The following GRIK4 variants were observed in gnomAD, a reference collection of about 807,000 sequenced individuals.
GRIK4 encodes glutamate ionotropic receptor kainate type subunit 4.
GRIK4 carries 40 observed loss-of-function variants against 104.9 expected under a neutral mutation model. That is an observed-to-expected ratio of 0.38 (90% CI 0.30 to 0.50). GRIK4 has a LOEUF of 0.50. Ranked by LOEUF, GRIK4 falls within the 20% of genes least tolerant of loss-of-function variation. The probability of loss-of-function intolerance (pLI) is 0.93; values close to 1 mark genes in which losing one functional copy is unlikely to be tolerated. For synonymous variants in GRIK4, 485 were observed against 524.9 expected (o/e 0.92, Z 1.04); for missense variants, 1,047 against 1,308.1 (o/e 0.80, Z 3.08).
intron 3 of GRIK4, among the ~76,000 whole-genome samples, chr11:120,752,434 A>C (rs1951572423): frequency 6.6e-6 from 1 of 152,158 alleles, no homozygotes; most frequent in Non-Finnish European, 1.5e-5. Flanking sequence ...CAGCCCGCCA[A>C]GGTGGGCAGG....
In GRIK4 at chr11:120,659,150, C is replaced by A. The variant is rs184394957; in HGVS notation, c.-50-1119C>A. ...CAGTGAAGCCAGCAGAGCTGGCTGT[C>A]GGCAGAATCTGGGTCTCAGTGGGGG... is the stretch of plus-strand genomic sequence containing the variant. On this transcript the variant is annotated intron_variant, in intron 2 of 20. Transcript: ENST00000527524. Among the ~76,000 whole-genome samples the A allele has an allele frequency of 1.6e-3, 237 of 152,162 alleles. 4 individuals are homozygous for A. In the East Asian group the frequency reaches 0.033, roughly 21 times the overall value.
intron 3 of GRIK4, among the ~76,000 whole-genome samples, chr11:120,797,578 G>T (rs1056610278): frequency 2.0e-4 from 30 of 152,292 alleles, no homozygotes; most frequent in African/African-American, 6.3e-4. Flanking sequence ...GGTACCTGTT[G>T]TCGTCCTAGT....
At chr11:120,836,725 C>G (rs2135574050) in intron 7 of GRIK4, 66 bp from the exon 8 acceptor site, 2 of 996,244 alleles carry the variant, frequency 2.0e-6, no homozygotes, top group Admixed American at 3.4e-5. Flanking sequence ...CTTGGAACCC[C>G]TACTGCTCAT....
chr11:120,709,335 C>T (rs1413966358), intron 3 of GRIK4, among the ~76,000 whole-genome samples: 2 of 152,000 alleles, frequency 1.3e-5, no homozygotes, highest in East Asian at 1.9e-4. Context: ...TGCTCTATGC[C>T]GTGTGTTGTG....
intron 3 of GRIK4, among the ~76,000 whole-genome samples, chr11:120,731,644 A>T (rs1951133441): frequency 6.6e-6 from 1 of 152,112 alleles, no homozygotes; most frequent in Admixed American, 6.6e-5. Flanking sequence ...AATTAGTATT[A>T]GTTCTTTAAA....
intron 3 of GRIK4, among the ~76,000 whole-genome samples, chr11:120,777,836 C>G (rs1397171665): frequency 6.6e-6 from 1 of 150,990 alleles, no homozygotes; most frequent in Non-Finnish European, 1.5e-5. Context: ...ATTTGGGAGG[C>G]TGAGGCAGGA....
chr11:120,832,101 C>T, intron 7 of GRIK4, 71 bp downstream of exon 7: 1 of 1,093,998 alleles, frequency 9.1e-7, no homozygotes, highest in Non-Finnish European at 1.3e-6. Context: ...TGAGGGTCCT[C>T]CTGAGCTGAG....
At chr11:120,695,811 A>G (rs1049447655) in intron 3 of GRIK4, among the ~76,000 whole-genome samples, 1 of 152,234 alleles carries the variant, frequency 6.6e-6, no homozygotes, top group African/African-American at 2.4e-5. Flanking sequence ...TGGAGCCGCC[A>G]TGCAGATAAC....
chr11:120,589,274 C>T (rs1342874473), intron 1 of GRIK4, among the ~76,000 whole-genome samples: 1 of 152,326 alleles, frequency 6.6e-6, no homozygotes, highest in African/African-American at 2.4e-5. Flanking sequence ...AGAGCCGCTG[C>T]ACTACATCGT....
At chr11:120,665,428 G>C (rs11217948) in intron 3 of GRIK4, among the ~76,000 whole-genome samples, 18,816 of 151,680 alleles carry the variant, frequency 0.12, 1,233 homozygotes, top group African/African-American at 0.13. Context: ...CTGTCACCTA[G>C]GGGGGGAATA....
chr11:120,712,829 A>G (rs1398465716), intron 3 of GRIK4, among the ~76,000 whole-genome samples: 2 of 152,004 alleles, frequency 1.3e-5, no homozygotes, highest in Non-Finnish European at 2.9e-5. Flanking sequence ...CAACCACATT[A>G]CTTCCGATCT....
At chr11:120,984,792 C>G (rs920869734) in intron 20 of GRIK4, among the ~76,000 whole-genome samples, 3 of 131,180 alleles carry the variant, frequency 2.3e-5, no homozygotes, top group African/African-American at 5.9e-5. Flanking sequence ...AACAAACAAA[C>G]AAACAAAAAT....
intron 3 of GRIK4, among the ~76,000 whole-genome samples, chr11:120,723,390 C>T (rs2135379567): frequency 6.6e-6 from 1 of 152,292 alleles, no homozygotes; most frequent in East Asian, 1.9e-4. Flanking sequence ...ATCACCTGCC[C>T]TGAGAGGTAT....
intron 3 of GRIK4, among the ~76,000 whole-genome samples, chr11:120,675,969 G>A (rs963044593): frequency 3.3e-5 from 5 of 152,204 alleles, no homozygotes; most frequent in African/African-American, 1.2e-4. Context: ...AGTCTTAACT[G>A]AGCTAAAGCT....
rs1010586715 is a variant in GRIK4 at position 120,549,681 on chromosome 11, G to A, written c.-159+37794G>A. 2.0e-5 allele frequency among the ~76,000 whole-genome samples: 3 copies of A among 152,186 alleles called. No homozygotes were observed. The highest frequency in any genetic ancestry group is 1.9e-4 in the East Asian group (1 of 5,190). ...GACAAGACAAGCAGAGGCTGAGGGC[G>A]GGTCGTGGGCCCCTGGGAGATCTGG... On this transcript the variant is annotated intron_variant, in intron 1 of 20. Coordinates refer to ENST00000527524, the MANE Select transcript of GRIK4 (RefSeq NM_014619.5). This position sits in a 1 kb window ranked among gnomAD's most constrained non-coding sequence, Gnocchi z 4.7.
rs12281251 is a variant in GRIK4, at chr11:120,739,318, T to C, written c.83-63375T>C. ...CTTAGAGCAGTGCTTACCACACAAA[T>C]GGGGCCAATCTTAGCTGATCTGGCC... On this transcript the variant is annotated intron_variant, in intron 3 of 20. Coordinates refer to ENST00000527524, the MANE Select transcript of GRIK4 (RefSeq NM_014619.5). 7.1e-3 allele frequency among the ~76,000 whole-genome samples: 1,080 copies of C among 152,330 alleles called. 12 individuals carry two copies. Among genetic ancestry groups the C allele is most frequent in the African/African-American group, 0.025 (1,040 of 41,586 alleles).
rs76981100 is a variant in GRIK4 at position 120,557,118 on chromosome 11, C to A, written c.-159+45231C>A. The stretch of plus-strand genomic sequence containing the variant: ...CACAGCAGGCAGCTTGTCCTTGGAG[C>A]CTGCTTGATGGCAGCATTCAGGGAC... On this transcript the variant is annotated intron_variant, in intron 1 of 20. Transcript: ENST00000527524. Among the ~76,000 whole-genome samples the A allele has an allele frequency of 0.013, 1,975 of 152,306 alleles. 87 individuals are homozygous for A. In the East Asian group the frequency reaches 0.14, roughly 11 times the overall value.
At chr11:120,957,247 G>A (rs1428101781) in intron 16 of GRIK4, among the ~76,000 whole-genome samples, 1 of 152,238 alleles carries the variant, frequency 6.6e-6, no homozygotes, top group Non-Finnish European at 1.5e-5. Context: ...CAAAGCAATG[G>A]TAACTTCCTG....
intron 3 of GRIK4, among the ~76,000 whole-genome samples, chr11:120,744,854 A>G (rs1039387991): frequency 5.9e-5 from 9 of 152,366 alleles, no homozygotes; most frequent in African/African-American, 2.2e-4. Flanking sequence ...ATAAGAGAAC[A>G]GCAATGAATA....
Sources: gnomAD v4.1 joint callset for allele counts (sites outside exome capture counted in the v4.1 genomes callset) on GRCh38, gnomAD v4.1.1 for gene constraint, Gnocchi (gnomAD v3.1) non-coding constraint, MANE v1.5 for transcripts, NCBI Gene and HGNC (gene_info 2026-07-23, HGNC 2026-07-21) for gene names.